Variants in MAP3K15 observed in about 807,000 individuals in gnomAD.
The protein encoded by MAP3K15 is mitogen-activated protein kinase kinase kinase 15.
A neutral mutation model predicts 99.5 loss-of-function variants in MAP3K15; 124 were observed. That is an observed-to-expected ratio of 1.25 (90% CI 1.08 to 1.45). The LOEUF is 1.45. Ranked by LOEUF, MAP3K15 falls within the 40% of genes most tolerant of loss-of-function variation. The pLI, the probability that MAP3K15 is intolerant of heterozygous loss-of-function variation, is 0.00. For missense variants in MAP3K15, 1,242 were observed against 1,079.7 expected, an observed-to-expected ratio of 1.15 and a Z score of -2.11; for synonymous variants, 494 against 439.6, an observed-to-expected ratio of 1.12 and a Z score of -1.55.
At position 19,400,652 on chromosome X, in the gene MAP3K15, A is replaced by T. The variant is rs2063601354; in HGVS notation, c.1856T>A (p.Leu619Ter). 2.5e-6 allele frequency: 3 copies of T among 1,199,359 alleles called. No individual in the cohort carries two copies. Among genetic ancestry groups the T allele is most frequent in the Non-Finnish European group, 3.4e-6 (3 of 887,386 alleles). The change falls in exon 14 of 29, where the codon TTG becomes TAG. Residue 619 changes from leucine to a stop codon, truncating the protein, a stop_gained. Transcript: ENST00000338883. LOFTEE classifies it high-confidence loss of function. ...TGTATTGGTTATCATCTCTTTGACC[A>T]AAGAGAAAAATCTAGAACAGCAAGT... ...TEEQCSRFFS[L>*]VKEMITNTAG... is the part of the protein sequence containing the mutation.
intron 3 of MAP3K15, among the ~76,000 whole-genome samples, chrX:19,470,942 T>C (rs933900331): frequency 2.7e-5 from 3 of 109,924 alleles, no homozygotes; most frequent in African/African-American, 9.9e-5. Context: ...ACACAGAAGA[T>C]AAAGAAAAAT....
chrX:19,402,811 C>T (rs1323145695), intron 13 of MAP3K15, among the ~76,000 whole-genome samples: 1 of 110,962 alleles, frequency 9.0e-6, no homozygotes, highest in Non-Finnish European at 1.9e-5. Context: ...ACTGGAGGCG[C>T]ACACCACCAC....
chrX:19,384,148 T>A (rs1304425156), intron 18 of MAP3K15, among the ~76,000 whole-genome samples: 1 of 112,041 alleles, frequency 8.9e-6, no homozygotes, highest in Non-Finnish European at 1.9e-5. Context: ...TGGAGTACCA[T>A]TCAGCCATTA....
intron 4 of MAP3K15, among the ~76,000 whole-genome samples, chrX:19,460,894 C>G (rs2064128648): frequency 9.0e-6 from 1 of 110,980 alleles, no homozygotes; most frequent in African/African-American, 3.3e-5. Context: ...CCTGCCTCAG[C>G]CTCCCAAGTA....
At chrX:19,386,318 T>C (rs867119284) in intron 18 of MAP3K15, among the ~76,000 whole-genome samples, 1 of 111,131 alleles carries the variant, frequency 9.0e-6, no homozygotes, top group Non-Finnish European at 1.9e-5. Flanking sequence ...TAGCCGGGCA[T>C]GGTGGCGTGT....
chrX:19,361,625 T>G, intron 26 of MAP3K15, 32 bp from the exon 27 acceptor site: 2 of 1,019,607 alleles, frequency 2.0e-6, no homozygotes, highest in Non-Finnish European at 2.7e-6. Flanking sequence ...TATATATTAG[T>G]CTAACCATAA....
intron 6 of MAP3K15, among the ~76,000 whole-genome samples, chrX:19,456,695 C>T (rs1212659181): frequency 9.0e-6 from 1 of 111,574 alleles, no homozygotes; most frequent in Admixed American, 9.5e-5. Flanking sequence ...GTTTTGATGC[C>T]GTCATAAGCT....
intron 25 of MAP3K15, among the ~76,000 whole-genome samples, chrX:19,364,163 T>TA (rs1245193952): frequency 8.9e-6 from 1 of 111,920 alleles, no homozygotes; most frequent in Non-Finnish European, 1.9e-5. Context: ...GAAGCTGAGG[T>TA]AACTGAGGCA....
At chrX:19,405,169 C>T (rs1448008176) in intron 13 of MAP3K15, among the ~76,000 whole-genome samples, 2 of 110,864 alleles carry the variant, frequency 1.8e-5, no homozygotes, top group Non-Finnish European at 3.8e-5. Context: ...GTATATATCA[C>T]TCTTAAAATC....
chrX:19,381,194 C>T (rs188113233), intron 18 of MAP3K15, among the ~76,000 whole-genome samples: 183 of 111,773 alleles, frequency 1.6e-3, no homozygotes, highest in African/African-American at 5.8e-3. Flanking sequence ...AATGCCAAGA[C>T]GAGATGAGAC....
chrX:19,419,017 C>T (rs1185679002), intron 9 of MAP3K15, among the ~76,000 whole-genome samples: 1 of 111,830 alleles, frequency 8.9e-6, no homozygotes, highest in African/African-American at 3.2e-5. Context: ...CAGGCCTGCC[C>T]TAAAAGAGCT....
At chrX:19,484,225 C>G (rs2064309209) in intron 3 of MAP3K15, among the ~76,000 whole-genome samples, 1 of 111,534 alleles carries the variant, frequency 9.0e-6, no homozygotes. Context: ...TGAACTCCAC[C>G]TCCTGTCAGA....
chrX:19,474,867 T>C (rs2064231408), intron 3 of MAP3K15, among the ~76,000 whole-genome samples: 1 of 111,129 alleles, frequency 9.0e-6, no homozygotes, highest in African/African-American at 3.3e-5. Context: ...AATATTTTGA[T>C]AACTGTATTT....
chrX:19,390,894 G>A (rs1263020606), intron 18 of MAP3K15, among the ~76,000 whole-genome samples: 2 of 110,568 alleles, frequency 1.8e-5, no homozygotes, highest in African/African-American at 3.3e-5. Context: ...CTCCTTGGGG[G>A]ACTATAAACC....
intron 20 of MAP3K15, 130 bp from the exon 21 acceptor site, chrX:19,373,825 G>A: frequency 2.9e-6 from 2 of 698,449 alleles, no homozygotes. Flanking sequence ...TGTGGGTTGG[G>A]CGGGGGACGG....
intron 25 of MAP3K15, among the ~76,000 whole-genome samples, chrX:19,366,599 C>T (rs778730900): frequency 4.3e-4 from 48 of 111,559 alleles, no homozygotes; most frequent in Non-Finnish European, 7.2e-4. Context: ...AAACCCCTTC[C>T]GCCTGGTTCT....
Position 19,409,965 on chromosome X carries a change from C to A in MAP3K15, c.1707G>T (p.Met569Ile). The change falls in exon 12 of 29, where the codon ATG becomes ATT. Residue 569 changes from methionine (M) to isoleucine (I), a missense_variant. By Grantham distance (10) the Met-to-Ile change is conservative. Coordinates refer to ENST00000338883, the MANE Select transcript of MAP3K15 (RefSeq NM_001001671.4). ...WHVSPTEMKQ[M>I]HEWNFTASSI... ...AAGAGGCTGTAAAATTCCATTCGTG[C>A]ATCTGTTTCTGCAAGTTATCAAAGA... The A allele has an allele frequency of 8.3e-7, 1 of 1,204,764 alleles. No homozygotes were observed. The highest frequency in any genetic ancestry group is 1.7e-5 in the African/African-American group (1 of 57,717).
At chrX:19,387,531 T>G (rs958854735) in intron 18 of MAP3K15, among the ~76,000 whole-genome samples, 2 of 110,117 alleles carry the variant, frequency 1.8e-5, no homozygotes, top group African/African-American at 6.6e-5. Context: ...AGACTACAAG[T>G]GCGCACCACC....
chrX:19,505,104 C>T (rs952797209), intron 1 of MAP3K15, among the ~76,000 whole-genome samples: 1 of 110,518 alleles, frequency 9.0e-6, no homozygotes, highest in East Asian at 2.8e-4. Context: ...GCCTCCAAAA[C>T]TGATGAAACC....
Sources: allele counts gnomAD v4.1 joint callset (sites outside exome capture counted in the v4.1 genomes callset), GRCh38; gene constraint gnomAD v4.1.1; transcripts MANE v1.5; gene names NCBI Gene and HGNC (gene_info 2026-07-23, HGNC 2026-07-21).